Variants in SYT1 observed in about 807,000 individuals in gnomAD.
SYT1 encodes synaptotagmin 1.
Under a neutral mutation model 44.8 loss-of-function variants are expected in SYT1, and 8 were observed. The ratio of observed to expected loss-of-function variants is 0.18; its 90% CI spans 0.10 to 0.32. SYT1 has a LOEUF of 0.32. SYT1 is among the 10% of genes least tolerant of loss of function. The pLI, the probability that SYT1 is intolerant of heterozygous loss-of-function variation, is 1.00. For missense variants in SYT1, 286 were observed against 509.3 expected, an observed-to-expected ratio of 0.56 and a Z score of 4.22; for synonymous variants, 154 against 188.8, an observed-to-expected ratio of 0.82 and a Z score of 1.51.
At chr12:79,263,185 G>C (rs1045370357) in intron 4 of SYT1, among the ~76,000 whole-genome samples, 4 of 151,906 alleles carry the variant, frequency 2.6e-5, no homozygotes, top group Admixed American at 1.3e-4. Flanking sequence ...CTCGCATTCT[G>C]GGGTGAGTGC....
chr12:79,205,258 G>T (rs1041308804), intron 3 of SYT1, among the ~76,000 whole-genome samples: 19 of 152,082 alleles, frequency 1.2e-4, no homozygotes, highest in African/African-American at 4.6e-4. Flanking sequence ...CACCGCACCC[G>T]GCCTCCTGTT....
chr12:79,221,566 T>C (rs1875162904), intron 4 of SYT1, among the ~76,000 whole-genome samples: 2 of 152,150 alleles, frequency 1.3e-5, no homozygotes, highest in Non-Finnish European at 2.9e-5. Context: ...TTTTTGTATA[T>C]CAGCTAGAGG....
At chr12:78,866,567 T>C (rs2137027456) in intron 1 of SYT1, among the ~76,000 whole-genome samples, 1 of 152,272 alleles carries the variant, frequency 6.6e-6, no homozygotes, top group South Asian at 2.1e-4. Context: ...TCTAATTCCA[T>C]CATTGGGGAT....
At chr12:78,946,398 T>G (rs986943632) in intron 1 of SYT1, among the ~76,000 whole-genome samples, 8 of 152,182 alleles carry the variant, frequency 5.3e-5, no homozygotes. Flanking sequence ...CTCACACCTC[T>G]AATCCCAGCA....
At chr12:79,124,891 A>C (rs2138150091) in intron 3 of SYT1, among the ~76,000 whole-genome samples, 1 of 152,272 alleles carries the variant, frequency 6.6e-6, no homozygotes, top group South Asian at 2.1e-4. Flanking sequence ...GAAGAGCTTC[A>C]TTTGTTTCAA....
At chr12:79,175,216 A>G (rs910930113) in intron 3 of SYT1, among the ~76,000 whole-genome samples, 10 of 152,226 alleles carry the variant, frequency 6.6e-5, no homozygotes, top group East Asian at 1.9e-4. Context: ...TAGAAACACA[A>G]TGGAAAATAA....
At chr12:78,972,791 A>G (rs1265750363) in intron 1 of SYT1, among the ~76,000 whole-genome samples, 3 of 151,998 alleles carry the variant, frequency 2.0e-5, no homozygotes, top group Admixed American at 2.0e-4. Context: ...TATAAAATAC[A>G]TACGTTTGGC....
At chr12:78,915,534 C>G (rs909755831) in intron 1 of SYT1, among the ~76,000 whole-genome samples, 7 of 151,936 alleles carry the variant, frequency 4.6e-5, no homozygotes, top group African/African-American at 1.7e-4. Flanking sequence ...ATGATAATTT[C>G]CACTATTTGA....
intron 3 of SYT1, among the ~76,000 whole-genome samples, chr12:79,183,556 A>C (rs1872655031): frequency 6.6e-6 from 1 of 152,002 alleles, no homozygotes; most frequent in South Asian, 2.1e-4. Flanking sequence ...TGTCAAGGCC[A>C]AGAAACCCTT....
chr12:79,096,051 T>A (rs745469075), intron 3 of SYT1, among the ~76,000 whole-genome samples: 1 of 151,900 alleles, frequency 6.6e-6, no homozygotes, highest in Non-Finnish European at 1.5e-5. Context: ...AGAAATGCAC[T>A]GTGAACAAAG....
rs573105349 is a variant in SYT1 at position 79,321,208 on chromosome 12, T to C, written c.810+21657T>C. Among the ~76,000 whole-genome samples, 12 of 152,344 alleles carry C rather than the reference T, an allele frequency of 7.9e-5. No individual in the cohort carries two copies. The South Asian group carries it at 2.5e-3, about 32-fold the overall frequency. On this transcript the variant is annotated intron_variant, in intron 8 of 10. Transcript: ENST00000261205. ...AGGCTAAGAAATTTATCTGGAATCA[T>C]ATAACTAAGGAAGTAATGGCCAAAA...
At chr12:78,959,448 A>G (rs1464855402) in intron 1 of SYT1, among the ~76,000 whole-genome samples, 1 of 152,208 alleles carries the variant, frequency 6.6e-6, no homozygotes, top group Admixed American at 6.6e-5. Context: ...TTACATAAAA[A>G]TACTGATTTT....
At chr12:78,988,637 A>G (rs1869817631) in intron 2 of SYT1, among the ~76,000 whole-genome samples, 1 of 151,978 alleles carries the variant, frequency 6.6e-6, no homozygotes, top group South Asian at 2.1e-4. Flanking sequence ...ACACAACAAC[A>G]GAGGCTGGTG....
chr12:79,223,262 G>C (rs1277828505), intron 4 of SYT1, among the ~76,000 whole-genome samples: 2 of 152,222 alleles, frequency 1.3e-5, no homozygotes, highest in East Asian at 3.9e-4. Context: ...GGCTTTGTCT[G>C]TGAAAGCCCT....
chr12:79,298,049 T>C (rs1200298305), intron 7 of SYT1, among the ~76,000 whole-genome samples: 1 of 152,188 alleles, frequency 6.6e-6, no homozygotes. Flanking sequence ...AATAAACTTA[T>C]GTTTAATCAC....
rs1239686085 is a variant in SYT1 at position 79,152,608 on chromosome 12, T to C, written c.-17-64895T>C. On this transcript the variant is annotated intron_variant, in intron 3 of 10. Transcript: ENST00000261205. Reference sequence around the variant, plus strand: ...CTCATATTACCTAAATATTTATCCATTATATCTATTCTATGAGAAATTGTG... The same window carrying C: ...CTCATATTACCTAAATATTTATCCACTATATCTATTCTATGAGAAATTGTG... 3.3e-5 allele frequency among the ~76,000 whole-genome samples: 5 copies of C among 152,094 alleles called. No individual in the cohort carries two copies. The South Asian group carries it at 1.0e-3, about 31-fold the overall frequency.
intron 2 of SYT1, among the ~76,000 whole-genome samples, chr12:79,024,353 G>C (rs1872388979): frequency 6.6e-6 from 1 of 151,812 alleles, no homozygotes; most frequent in Non-Finnish European, 1.5e-5. Context: ...ATTGGTGGCA[G>C]AACCCAGGGT....
At chr12:79,340,307 G>C (rs1482561926) in intron 8 of SYT1, among the ~76,000 whole-genome samples, 1 of 152,162 alleles carries the variant, frequency 6.6e-6, no homozygotes, top group African/African-American at 2.4e-5. Context: ...CATGAACATG[G>C]AGTGTTCTTC....
intron 4 of SYT1, among the ~76,000 whole-genome samples, chr12:79,279,817 C>A (rs183710164): frequency 6.6e-6 from 1 of 152,090 alleles, no homozygotes; most frequent in East Asian, 1.9e-4. Flanking sequence ...AATCAAGGTA[C>A]GTAAATCAGT....
Sources: allele counts gnomAD v4.1 joint callset (sites outside exome capture counted in the v4.1 genomes callset), GRCh38; gene constraint gnomAD v4.1.1; transcripts MANE v1.5; gene names NCBI Gene and HGNC (gene_info 2026-07-23, HGNC 2026-07-21).